IGSF11: variants seen among roughly 807,000 people sequenced by gnomAD.
IGSF11 encodes the protein immunoglobulin superfamily member 11.
A neutral mutation model predicts 41.0 loss-of-function variants in IGSF11; 22 were observed. That is an observed-to-expected ratio of 0.54 (90% confidence interval 0.38 to 0.77). The LOEUF (loss-of-function observed/expected upper bound fraction) is 0.77, where lower values mean the gene tolerates loss of function less well. Among genes scored for constraint, IGSF11 ranks in the 30% least tolerant of loss-of-function variants. IGSF11 has a pLI of 0.00. For synonymous variants in IGSF11, 219 were observed against 201.3 expected (o/e 1.09, Z -0.74); for missense variants, 444 against 530.8 (o/e 0.84, Z 1.61).
intron 1 of IGSF11, among the ~76,000 whole-genome samples, chr3:118,939,433 G>A (rs545870481): frequency 3.3e-5 from 5 of 152,148 alleles, no homozygotes; most frequent in African/African-American, 9.6e-5. Context: ...AAAATTAGCC[G>A]GGTATGGTGG....
At chr3:119,059,082 A>C (rs995932117) in intron 1 of IGSF11, among the ~76,000 whole-genome samples, 1 of 151,898 alleles carries the variant, frequency 6.6e-6, no homozygotes, top group Non-Finnish European at 1.5e-5. Context: ...TATGTAACAA[A>C]CCTGCACGTT....
At chr3:119,110,569 T>C (rs928019513) in intron 1 of IGSF11, among the ~76,000 whole-genome samples, 3 of 152,230 alleles carry the variant, frequency 2.0e-5, no homozygotes, top group Non-Finnish European at 4.4e-5. Context: ...GTCTTTTAAT[T>C]GGAGCATTTA....
At chr3:119,131,820 A>G (rs975441323) in intron 1 of IGSF11, among the ~76,000 whole-genome samples, 1 of 152,246 alleles carries the variant, frequency 6.6e-6, no homozygotes, top group Non-Finnish European at 1.5e-5. Flanking sequence ...GGTTACCTAC[A>G]AAGGGAAGCC....
chr3:119,019,281 A>G (rs1202107610), intron 1 of IGSF11, among the ~76,000 whole-genome samples: 2 of 151,390 alleles, frequency 1.3e-5, no homozygotes, highest in East Asian at 1.9e-4. Flanking sequence ...GTACATTTAC[A>G]TTCCTTTGTT....
Position 118,964,017 on chromosome 3 carries a change from TGA to T in IGSF11, c.53-33744_53-33743del, listed in dbSNP as rs1366857689. Among the ~76,000 whole-genome samples the T allele has an allele frequency of 5.9e-5, 9 of 152,236 alleles. No homozygotes were observed. The East Asian group carries it at 1.7e-3, about 29-fold the overall frequency. ...AGAATATGACAGCCAGAAAGATCCTTGAGAGACCATTTAATTCAACCTTCTAT... is the reference window on the plus strand; with the variant it reads ...AGAATATGACAGCCAGAAAGATCCTTGAGACCATTTAATTCAACCTTCTAT... On this transcript the variant is annotated intron_variant, in intron 1 of 6. Coordinates refer to ENST00000393775, the MANE Select transcript of IGSF11 (RefSeq NM_001015887.3).
intron 4 of IGSF11, among the ~76,000 whole-genome samples, chr3:118,913,075 G>A (rs1274384136): frequency 1.3e-5 from 2 of 151,100 alleles, no homozygotes; most frequent in African/African-American, 4.9e-5. Context: ...GAGTAGAAGA[G>A]AGAACAGGTG....
chr3:119,142,274 CAAAAAAAAAAA>C (rs11328968), intron 1 of IGSF11, among the ~76,000 whole-genome samples: 4 of 81,766 alleles, frequency 4.9e-5, no homozygotes, highest in African/African-American at 1.9e-4. Context: ...GACTCCATCT[CAAAAAAAAAAA>C]AAAAAAAAAA....
intron 1 of IGSF11, among the ~76,000 whole-genome samples, chr3:118,933,489 TACACAC>T (rs36105810): frequency 2.0e-5 from 3 of 148,746 alleles, no homozygotes; most frequent in African/African-American, 5.0e-5. Flanking sequence ...TATATATATA[TACACAC>T]ACACACACAT....
intron 1 of IGSF11, among the ~76,000 whole-genome samples, chr3:119,091,537 A>T (rs73185854): frequency 0.19 from 29,544 of 152,214 alleles, 3,558 homozygotes; most frequent in Middle Eastern, 0.31. Context: ...AAAAAGAATG[A>T]AATAATATCC....
At chr3:118,946,270 G>T (rs888130721) in intron 1 of IGSF11, among the ~76,000 whole-genome samples, 1 of 135,686 alleles carries the variant, frequency 7.4e-6, no homozygotes, top group Admixed American at 7.0e-5. Flanking sequence ...ATTCAGTAAT[G>T]TTTTTTTAAA....
At position 118,982,954 on chromosome 3, in the gene IGSF11, T is replaced by C. The variant is rs571285404; in HGVS notation, c.52+51577A>G. Reference sequence around the variant, plus strand: ...CTAGTATCACCTTGTGAATCCATCATCTCAACATGCAGCCTCCACAATCCA... The same window carrying C: ...CTAGTATCACCTTGTGAATCCATCACCTCAACATGCAGCCTCCACAATCCA... On this transcript the variant is annotated intron_variant, in intron 1 of 6. Coordinates refer to ENST00000393775, the MANE Select transcript of IGSF11 (RefSeq NM_001015887.3). Among the ~76,000 whole-genome samples the C allele has an allele frequency of 4.9e-4, 74 of 152,256 alleles. No individual in the cohort carries two copies. In the South Asian group the frequency reaches 0.015, roughly 31 times the overall value.
chr3:119,087,403 T>C (rs202062919), intron 1 of IGSF11, among the ~76,000 whole-genome samples: 19,137 of 113,132 alleles, frequency 0.17, 1,320 homozygotes, highest in East Asian at 0.28. Context: ...CACACACACA[T>C]ACACACACAC....
At chr3:119,140,700 T>A (rs1321397560) in intron 1 of IGSF11, among the ~76,000 whole-genome samples, 2 of 152,104 alleles carry the variant, frequency 1.3e-5, no homozygotes, top group East Asian at 3.8e-4. Flanking sequence ...TTATCCAAGA[T>A]AAACCATATG....
At chr3:119,058,354 C>G (rs560275576) in intron 1 of IGSF11, among the ~76,000 whole-genome samples, 29 of 152,254 alleles carry the variant, frequency 1.9e-4, no homozygotes, top group Non-Finnish European at 4.0e-4. Flanking sequence ...ATTTATGCAG[C>G]CAAAAGACAC....
At chr3:119,074,041 G>C (rs1393974943) in intron 1 of IGSF11, among the ~76,000 whole-genome samples, 2 of 152,206 alleles carry the variant, frequency 1.3e-5, no homozygotes, top group Non-Finnish European at 2.9e-5. Flanking sequence ...CCTGCAAATA[G>C]ACTTAGATAA....
intron 1 of IGSF11, among the ~76,000 whole-genome samples, chr3:118,941,909 C>A (rs959618700): frequency 2.0e-5 from 3 of 151,976 alleles, no homozygotes; most frequent in South Asian, 4.2e-4. Flanking sequence ...AAAAAATCTA[C>A]GGAGAAAGCA....
intron 1 of IGSF11, chr3:118,948,071 A>T (rs1470674774): frequency 6.6e-6 from 1 of 151,208 alleles, no homozygotes. Flanking sequence ...GTATGTGTAT[A>T]TATACACACA....
At chr3:118,951,438 TAC>T (rs1290256223) in intron 1 of IGSF11, among the ~76,000 whole-genome samples, 20 of 152,116 alleles carry the variant, frequency 1.3e-4, no homozygotes, top group Non-Finnish European at 2.9e-5. Flanking sequence ...CAGATACAAC[TAC>T]ACACACACAT....
upstream of IGSF11, among the ~76,000 whole-genome samples, chr3:119,036,250 AATG>A: frequency 6.6e-6 from 1 of 152,352 alleles, no homozygotes; most frequent in Non-Finnish European, 1.5e-5. Context: ...GCAAGAAATA[AATG>A]ATATGACAGT....
Sources: allele counts gnomAD v4.1 joint callset (sites outside exome capture counted in the v4.1 genomes callset), GRCh38; gene constraint gnomAD v4.1.1; transcripts MANE v1.5; gene names NCBI Gene and HGNC (gene_info 2026-07-23, HGNC 2026-07-21).